CNTN5: variants seen among roughly 807,000 people sequenced by gnomAD.
CNTN5 encodes contactin 5, also known as contactin-5.
Under a neutral mutation model 129.1 loss-of-function variants are expected in CNTN5, and 77 were observed. The ratio of observed to expected loss-of-function variants is 0.60; its 90% CI spans 0.50 to 0.72. The LOEUF is 0.72. Ranked by LOEUF, CNTN5 falls within the 30% of genes least tolerant of loss-of-function variation. The pLI, the probability that CNTN5 is intolerant of heterozygous loss-of-function variation, is 0.00. For synonymous variants in CNTN5, 509 were observed against 465.6 expected (o/e 1.09, Z -1.20); for missense variants, 1,478 against 1,328.8 (o/e 1.11, Z -1.75).
Position 100,349,241 on chromosome 11 carries a change from A to G in CNTN5, c.3031-1461A>G, listed in dbSNP as rs375843359. ...CAATATGTGGAAATATTGCTTCTCT[A>G]AAGTATTTTTGGATTTTTTTGTATG... On this transcript the variant is annotated intron_variant, in intron 23 of 24. Transcript: ENST00000524871. Among the ~76,000 whole-genome samples the G allele has an allele frequency of 9.9e-5, 15 of 152,062 alleles. No homozygotes were observed. In the South Asian group the frequency reaches 2.5e-3, roughly 25 times the overall value.
intron 9 of CNTN5, among the ~76,000 whole-genome samples, chr11:100,013,398 C>T (rs1940639302): frequency 6.6e-6 from 1 of 152,098 alleles, no homozygotes; most frequent in Admixed American, 6.6e-5. Flanking sequence ...GTATCCCATA[C>T]CCCTACAAGA....
intron 1 of CNTN5, among the ~76,000 whole-genome samples, chr11:99,025,017 A>C (rs568296601): frequency 6.6e-6 from 1 of 152,112 alleles, no homozygotes; most frequent in Non-Finnish European, 1.5e-5. Flanking sequence ...GTGGTTCTTA[A>C]AAACTCATAA....
At chr11:99,747,673 C>T (rs1944099683) in intron 3 of CNTN5, among the ~76,000 whole-genome samples, 1 of 152,012 alleles carries the variant, frequency 6.6e-6, no homozygotes, top group Non-Finnish European at 1.5e-5. Flanking sequence ...CGAGGTTTCA[C>T]TGTGTTAGCC....
At chr11:100,213,441 T>C (rs905892705) in intron 15 of CNTN5, among the ~76,000 whole-genome samples, 1 of 152,178 alleles carries the variant, frequency 6.6e-6, no homozygotes, top group Admixed American at 6.5e-5. Context: ...TAGTAGAATA[T>C]GGTCTCGATG....
At chr11:99,026,105 AAG>A (rs1276774961) in intron 1 of CNTN5, among the ~76,000 whole-genome samples, 3 of 151,636 alleles carry the variant, frequency 2.0e-5, no homozygotes, top group African/African-American at 2.4e-5. Flanking sequence ...GAATTTTTAA[AAG>A]AATTTTATTG....
intron 1 of CNTN5, among the ~76,000 whole-genome samples, chr11:99,144,769 A>T (rs969137523): frequency 1.3e-5 from 2 of 151,950 alleles, no homozygotes; most frequent in Admixed American, 1.3e-4. Context: ...GTCTTTTTTT[A>T]ATGATATCTC....
At chr11:100,060,392 A>T (rs1446133091) in intron 9 of CNTN5, among the ~76,000 whole-genome samples, 1 of 152,072 alleles carries the variant, frequency 6.6e-6, no homozygotes, top group Non-Finnish European at 1.5e-5. Flanking sequence ...CAAAATTTAT[A>T]TTTAAAAAAT....
chr11:99,153,989 T>G (rs2135495458), intron 1 of CNTN5, among the ~76,000 whole-genome samples: 1 of 152,252 alleles, frequency 6.6e-6, no homozygotes, highest in African/African-American at 2.4e-5. Flanking sequence ...GGCTTTGTTT[T>G]CTGGCCCCTA....
intron 1 of CNTN5, among the ~76,000 whole-genome samples, chr11:99,034,520 T>G (rs1370653796): frequency 1.1e-4 from 17 of 151,662 alleles, no homozygotes; most frequent in African/African-American, 1.9e-4. Flanking sequence ...GTCGAGGAAT[T>G]TATCCATTTC....
At position 100,041,106 on chromosome 11, in the gene CNTN5, G is replaced by A. The variant is rs1330328550; in HGVS notation, c.981-20106G>A. 3.9e-5 allele frequency among the ~76,000 whole-genome samples: 6 copies of A among 152,096 alleles called. No homozygotes were observed. In the East Asian group the frequency reaches 1.2e-3, roughly 29 times the overall value. On this transcript the variant is annotated intron_variant, in intron 9 of 24. Transcript: ENST00000524871. ...TGTAGACTGGAGCTGTTCCTATTCG[G>A]CCATCTTGGCTCCTCCCTTTTCAGT...
In CNTN5 at chr11:100,255,811, C is replaced by G. The variant is rs201496247; in HGVS notation, c.2057C>G (p.Thr686Arg). 2.5e-6 allele frequency: 4 copies of G among 1,613,840 alleles called. No homozygotes were observed. The highest frequency in any genetic ancestry group is 2.2e-5 in the South Asian group (2 of 91,072). ...IVIVEEITES[T>R]ATLSWSPAAD... is the part of the protein sequence containing the mutation. ...ATTGTTGAGGAAATAACCGAAAGTACGGCCACACTGTCCTGGAGCCCAGCA... is the reference window on the plus strand; with the variant it reads ...ATTGTTGAGGAAATAACCGAAAGTAGGGCCACACTGTCCTGGAGCCCAGCA... The change falls in exon 17 of 25, where the codon ACG (threonine) becomes AGG (arginine). Residue 686 changes from threonine (T) to arginine (R), a missense_variant. Physicochemically the swap from Thr to Arg is moderately conservative, Grantham distance 71. Transcript: ENST00000524871.
At chr11:99,825,734 G>A (rs140063762) in intron 4 of CNTN5, among the ~76,000 whole-genome samples, 6 of 152,050 alleles carry the variant, frequency 3.9e-5, no homozygotes, top group African/African-American at 9.6e-5. Context: ...CTTTTGTAGC[G>A]GGCAAGTTTA....
At chr11:99,576,529 C>G (rs1949356338) in intron 3 of CNTN5, among the ~76,000 whole-genome samples, 1 of 152,154 alleles carries the variant, frequency 6.6e-6, no homozygotes, top group South Asian at 2.1e-4. Flanking sequence ...ATGTCCAGGA[C>G]AGACACTGTA....
rs183788162 is a variant in CNTN5 at position 99,659,038 on chromosome 11, T to C, written c.55+102769T>C. 2.2e-3 allele frequency among the ~76,000 whole-genome samples: 341 copies of C among 152,162 alleles called. 1 individual carries two copies. The highest frequency in any genetic ancestry group is 7.5e-3 in the African/African-American group (311 of 41,538). ...ATTGTGCCTCCAACCCCTGCCACAGTTGATTTACTTGGAGATGGGCACCTC... is the reference window on the plus strand; with the variant it reads ...ATTGTGCCTCCAACCCCTGCCACAGCTGATTTACTTGGAGATGGGCACCTC... On this transcript the variant is annotated intron_variant, in intron 3 of 24. Coordinates refer to ENST00000524871, the MANE Select transcript of CNTN5 (RefSeq NM_014361.4).
intron 2 of CNTN5, among the ~76,000 whole-genome samples, chr11:99,546,719 A>G (rs1390964052): frequency 1.3e-5 from 2 of 152,148 alleles, no homozygotes; most frequent in Non-Finnish European, 2.9e-5. Context: ...TCACTGACCT[A>G]TGGATACTTT....
intron 1 of CNTN5, among the ~76,000 whole-genome samples, chr11:99,265,834 CG>C (rs1357486365): frequency 6.6e-6 from 1 of 151,876 alleles, no homozygotes; most frequent in African/African-American, 2.4e-5. Context: ...CTCATTCACT[CG>C]GTAAGTAGCT....
intron 3 of CNTN5, among the ~76,000 whole-genome samples, chr11:99,757,893 T>A (rs946357912): frequency 1.3e-5 from 2 of 152,044 alleles, no homozygotes; most frequent in African/African-American, 4.8e-5. Flanking sequence ...CCAGAAAGTA[T>A]CTGCCGCACA....
chr11:99,394,919 A>G (rs1014173090), intron 2 of CNTN5, among the ~76,000 whole-genome samples: 2 of 151,806 alleles, frequency 1.3e-5, no homozygotes, highest in Non-Finnish European at 2.9e-5. Context: ...TATGGACCAC[A>G]TTGTCTTTAT....
At chr11:100,303,099 G>T (rs1456355971) in intron 20 of CNTN5, among the ~76,000 whole-genome samples, 1 of 151,492 alleles carries the variant, frequency 6.6e-6, no homozygotes, top group African/African-American at 2.4e-5. Context: ...TCAGTGCCAA[G>T]CAGCATCTGA....
Sources: allele counts gnomAD v4.1 joint callset (sites outside exome capture counted in the v4.1 genomes callset), GRCh38; gene constraint gnomAD v4.1.1; transcripts MANE v1.5; gene names NCBI Gene and HGNC (gene_info 2026-07-23, HGNC 2026-07-21).